The following ASB5 variants were observed in gnomAD, a reference collection of about 807,000 sequenced individuals.
The protein encoded by ASB5 is ankyrin repeat and SOCS box containing 5.
In ASB5, 45 loss-of-function variants were observed where a neutral mutation model predicts 42.1. The ratio of observed to expected loss-of-function variants is 1.07; its 90% CI spans 0.84 to 1.37. The LOEUF (loss-of-function observed/expected upper bound fraction) is 1.37, where lower values mean the gene tolerates loss of function less well. Among genes scored for constraint, ASB5 ranks in the 40% most tolerant of loss-of-function variants. ASB5 has a pLI of 0.00. For missense variants in ASB5, 402 were observed against 399.8 expected (o/e 1.01, Z -0.05); for synonymous variants, 147 against 150.6 (o/e 0.98, Z 0.18).
intron 1 of ASB5, among the ~76,000 whole-genome samples, chr4:176,245,697 C>T (rs1476798647): frequency 6.6e-6 from 1 of 152,120 alleles, no homozygotes; most frequent in African/African-American, 2.4e-5. Flanking sequence ...CACATATACA[C>T]CATGGAATAC....
intron 2 of ASB5, 132 bp downstream of exon 2, chr4:176,225,130 C>A: frequency 1.6e-6 from 1 of 625,320 alleles, no homozygotes; most frequent in Non-Finnish European, 2.7e-6. Context: ...CTATTGACTT[C>A]TCTGACATGA....
At chr4:176,247,097 G>C (rs547057610) in intron 1 of ASB5, among the ~76,000 whole-genome samples, 5 of 152,128 alleles carry the variant, frequency 3.3e-5, no homozygotes, top group Admixed American at 6.6e-5. Context: ...ATTTATGGTA[G>C]CATAAAACAA....
At chr4:176,260,357 T>C (rs1754235377) in intron 1 of ASB5, among the ~76,000 whole-genome samples, 1 of 152,228 alleles carries the variant, frequency 6.6e-6, no homozygotes, top group African/African-American at 2.4e-5. Context: ...AAAATCCTTT[T>C]CCATGGTAAC....
intron 1 of ASB5, among the ~76,000 whole-genome samples, chr4:176,254,126 G>A (rs1053379816): frequency 6.6e-6 from 1 of 152,122 alleles, no homozygotes; most frequent in African/African-American, 2.4e-5. Flanking sequence ...TAAGCAAACA[G>A]AACAAAGCCA....
chr4:176,258,353 T>TAAA (rs1754195595), intron 1 of ASB5, among the ~76,000 whole-genome samples: 2 of 152,194 alleles, frequency 1.3e-5, no homozygotes, highest in Non-Finnish European at 2.9e-5. Context: ...GGGTCAAACA[T>TAAA]TGTGCAATAT....
Position 176,269,078 on chromosome 4 carries a change from C to A in ASB5, c.31G>T (p.Ala11Ser). 6.2e-7 allele frequency: 1 copy of A among 1,610,546 alleles called. No homozygotes were observed. ...AAGTAGACATTGGATAATTGTTGAG[C>A]AAACGGCCGATTTTCTTCTAACACC... MSVLEENRPF[A>S]QQLSNVYFTI... Residue 11 changes from alanine (A) to serine (S), a missense_variant, in exon 1 of 7, where the codon GCT (alanine) becomes TCT (serine). By Grantham distance (99) the Ala-to-Ser change is moderately conservative. Transcript: ENST00000296525.
At chr4:176,236,084 C>T (rs568294836) in intron 1 of ASB5, among the ~76,000 whole-genome samples, 3 of 151,914 alleles carry the variant, frequency 2.0e-5, no homozygotes, top group Non-Finnish European at 2.9e-5. Context: ...TGACATAAAA[C>T]GATAGCTTAT....
At chr4:176,275,651 G>A (rs1754550779) in intron 2 of ASB5, 1 of 152,224 alleles carries the variant, frequency 6.6e-6, no homozygotes, top group Non-Finnish European at 1.5e-5. Flanking sequence ...TGGGGCTGCA[G>A]GAGTCACTCT....
chr4:176,267,024 C>T (rs1239755639), intron 1 of ASB5, among the ~76,000 whole-genome samples: 2 of 152,050 alleles, frequency 1.3e-5, no homozygotes, highest in Non-Finnish European at 2.9e-5. Context: ...GCTTCCATGG[C>T]CTCCTCTAAA....
chr4:176,213,718 A>G lies in ASB5; in HGVS notation c.*1882T>C, dbSNP rs1025380757. ...ATCACACTTTAATATAATAACAAAC[A>G]TACAATACATTAAAGTTAGAACACT... On this transcript the variant is annotated 3_prime_UTR_variant, in exon 7 of 7. Coordinates refer to ENST00000296525, the MANE Select transcript of ASB5 (RefSeq NM_080874.4). 2.6e-5 allele frequency: 4 copies of G among 152,110 alleles called. No individual in the cohort carries two copies. Among genetic ancestry groups the G allele is most frequent in the Non-Finnish European group, 5.9e-5 (4 of 67,966 alleles). The allele number at this position is 152,110 out of a possible 1,614,324, so 9.4% of individuals were successfully genotyped here.
rs760738238 is a variant in ASB5, at chr4:176,237,599, T to C, written c.197-12258A>G. ...TGAACTCTATTCAGAAACACTTGGA[T>C]CAGGGCTGGTAGGTGCAATGTGGAG... On this transcript the variant is annotated intron_variant, in intron 1 of 6. Coordinates refer to ENST00000296525, the MANE Select transcript of ASB5 (RefSeq NM_080874.4). 3.5e-4 allele frequency: 346 copies of C among 984,032 alleles called. 1 individual carries two copies. The highest frequency in any genetic ancestry group is 4.0e-4 in the Non-Finnish European group (335 of 828,628). 61.0% of individuals were successfully genotyped at this position (984,032 alleles called of 1,614,324 possible). A position where few individuals can be genotyped will look rare whatever the true frequency, so the allele number is the denominator to read the frequency against.
chr4:176,218,276 T>C (rs1485831585), intron 5 of ASB5, among the ~76,000 whole-genome samples: 1 of 89,184 alleles, frequency 1.1e-5, no homozygotes, highest in Non-Finnish European at 2.2e-5. Context: ...GTATGATATA[T>C]AAATATATAT....
chr4:176,217,076 G>A lies in ASB5; in HGVS notation c.671-67C>T, dbSNP rs984273140. 32 of 1,358,064 alleles carry A rather than the reference G, an allele frequency of 2.4e-5. No individual in the cohort carries two copies. In the Middle Eastern group the frequency reaches 1.1e-3, roughly 48 times the overall value. 84.1% of individuals were successfully genotyped at this position (1,358,064 alleles called of 1,614,324 possible). On this transcript the variant is annotated intron_variant, in intron 5 of 6. Coordinates refer to ENST00000296525, the MANE Select transcript of ASB5 (RefSeq NM_080874.4). ...GTTAAATAAGCCAGCTGCCTCAGTG[G>A]GGATAGAAAAGGAAAGGCAATAGAG...
intron 1 of ASB5, among the ~76,000 whole-genome samples, chr4:176,255,106 G>A (rs1754128840): frequency 6.6e-6 from 1 of 152,096 alleles, no homozygotes; most frequent in Non-Finnish European, 1.5e-5. Context: ...CTCCAGCCTG[G>A]GTGGCAGAGC....
At chr4:176,259,414 A>G (rs1754215424) in intron 1 of ASB5, among the ~76,000 whole-genome samples, 1 of 152,240 alleles carries the variant, frequency 6.6e-6, no homozygotes, top group East Asian at 1.9e-4. Context: ...TTTGGAAAAC[A>G]TAAGTGCACA....
chr4:176,250,980 A>C (rs1049972629), intron 1 of ASB5, among the ~76,000 whole-genome samples: 10 of 152,240 alleles, frequency 6.6e-5, no homozygotes, highest in Non-Finnish European at 1.3e-4. Context: ...GCCAGCTTGA[A>C]ATTTTCAAAG....
chr4:176,263,584 G>A (rs553046068), intron 1 of ASB5, among the ~76,000 whole-genome samples: 12 of 152,150 alleles, frequency 7.9e-5, no homozygotes, highest in African/African-American at 2.6e-4. Flanking sequence ...TTATTCTTCT[G>A]TGGAGTTGTT....
chr4:176,229,110 C>T (rs996126042), intron 1 of ASB5, among the ~76,000 whole-genome samples: 1 of 152,138 alleles, frequency 6.6e-6, no homozygotes, highest in African/African-American at 2.4e-5. Context: ...TAAATAACCA[C>T]TTATAATATT....
At chr4:176,216,035 G>A (rs1452285898) in intron 6 of ASB5, among the ~76,000 whole-genome samples, 1 of 151,972 alleles carries the variant, frequency 6.6e-6, no homozygotes, top group African/African-American at 2.4e-5. Context: ...CAAAAGTCCT[G>A]AGAAGTATTA....
Sources: gnomAD v4.1 joint callset for allele counts (sites outside exome capture counted in the v4.1 genomes callset) on GRCh38, gnomAD v4.1.1 for gene constraint, MANE v1.5 for transcripts, NCBI Gene and HGNC (gene_info 2026-07-23, HGNC 2026-07-21) for gene names.